The following NGLY1 variants were observed in gnomAD, a reference collection of about 807,000 sequenced individuals.
The protein encoded by NGLY1 is N-glycanase 1, also known as peptide-N(4)-(N-acetyl-beta-glucosaminyl)asparagine amidase.
A neutral mutation model predicts 84.6 loss-of-function variants in NGLY1; 68 were observed. The ratio of observed to expected loss-of-function variants is 0.80; its 90% CI spans 0.66 to 0.98. The LOEUF (loss-of-function observed/expected upper bound fraction) is 0.98. Among genes scored for constraint, NGLY1 ranks in the 50% least tolerant of loss-of-function variants. The probability of loss-of-function intolerance (pLI) is 0.00; values close to 1 mark genes in which losing one functional copy is unlikely to be tolerated. For missense variants in NGLY1, 779 were observed against 770.2 expected (o/e 1.01, Z -0.14); for synonymous variants, 280 against 275.2 (o/e 1.02, Z -0.17).
chr3:25,723,991 T>C lies in NGLY1; in HGVS notation c.1612-3800A>G, dbSNP rs189086167. On this transcript the variant is annotated intron_variant, in intron 10 of 11. Coordinates refer to ENST00000280700, the MANE Select transcript of NGLY1 (RefSeq NM_018297.4). Reference sequence around the variant, plus strand: ...ACCCTTTGCGTGAGAACAAGACCTGTGTGTCTACGGTTTAGGCATAAGCCA... The same window carrying C: ...ACCCTTTGCGTGAGAACAAGACCTGCGTGTCTACGGTTTAGGCATAAGCCA... Among the ~76,000 whole-genome samples the C allele has an allele frequency of 9.4e-4, 143 of 152,334 alleles. 1 individual carries two copies. Among genetic ancestry groups the C allele is most frequent in the Non-Finnish European group, 1.5e-5 (1 of 68,030 alleles).
At chr3:25,790,007 A>G (rs1708690741) in exon 1 of NGLY1, 1 of 1,043,834 alleles carries the variant, frequency 9.6e-7, no homozygotes, top group African/African-American at 1.6e-5. Flanking sequence ...ACCGGCGGAA[A>G]GAGAGTCGAA....
chr3:25,763,204 T>C (rs1046938620), intron 3 of NGLY1, among the ~76,000 whole-genome samples: 3 of 152,202 alleles, frequency 2.0e-5, no homozygotes, highest in Non-Finnish European at 4.4e-5. Flanking sequence ...GCCAGGACAC[T>C]AACAAAATAC....
At chr3:25,753,045 A>G (rs1052983836) in intron 3 of NGLY1, among the ~76,000 whole-genome samples, 2 of 152,056 alleles carry the variant, frequency 1.3e-5, no homozygotes, top group African/African-American at 4.8e-5. Context: ...CAACTGCTCA[A>G]AAAAAAACAG....
chr3:25,753,675 A>G (rs1287439568), intron 3 of NGLY1, among the ~76,000 whole-genome samples: 1 of 152,118 alleles, frequency 6.6e-6, no homozygotes, highest in East Asian at 1.9e-4. Context: ...GACTAAAAAG[A>G]TTATATTTAA....
intron 4 of NGLY1, among the ~76,000 whole-genome samples, chr3:25,742,789 T>C (rs1706217020): frequency 6.6e-6 from 1 of 151,008 alleles, no homozygotes; most frequent in African/African-American, 2.4e-5. Flanking sequence ...ACTCTTGTTC[T>C]TTCAGCTGGC....
intron 3 of NGLY1, 95 bp downstream of exon 3, chr3:25,763,971 C>A: frequency 6.9e-7 from 1 of 1,451,012 alleles, no homozygotes; most frequent in South Asian, 1.3e-5. Flanking sequence ...AAATATGGGG[C>A]ATAAATTCAG....
intron 1 of NGLY1, 36 bp from the exon 2 acceptor site, chr3:25,778,724 A>G (rs1192940891): frequency 7.6e-7 from 1 of 1,313,220 alleles, no homozygotes; most frequent in Non-Finnish European, 1.1e-6. Flanking sequence ...TATATAAAAA[A>G]AACCAGGTCA....
intron 3 of NGLY1, among the ~76,000 whole-genome samples, chr3:25,758,551 C>T (rs1364851674): frequency 6.6e-6 from 1 of 152,152 alleles, no homozygotes; most frequent in Non-Finnish European, 1.5e-5. Flanking sequence ...GCGTTCCAGC[C>T]TGAGCGACAA....
intron 4 of NGLY1, among the ~76,000 whole-genome samples, chr3:25,748,275 G>T (rs969498540): frequency 3.9e-5 from 6 of 152,052 alleles, no homozygotes; most frequent in Non-Finnish European, 8.8e-5. Context: ...CACCAATAGG[G>T]CTCCAGTATA....
intron 2 of NGLY1, among the ~76,000 whole-genome samples, chr3:25,776,463 T>A (rs960578403): frequency 1.3e-5 from 2 of 152,224 alleles, no homozygotes; most frequent in South Asian, 2.1e-4. Flanking sequence ...AAATTCTTTA[T>A]GTTCGGATAC....
At chr3:25,744,193 A>G (rs1706301601) in intron 4 of NGLY1, among the ~76,000 whole-genome samples, 1 of 152,356 alleles carries the variant, frequency 6.6e-6, no homozygotes, top group Admixed American at 6.5e-5. Context: ...CAGTAGAGGT[A>G]GCCTCATCCA....
chr3:25,740,814 T>C (rs1483275696), intron 4 of NGLY1, among the ~76,000 whole-genome samples: 2 of 152,152 alleles, frequency 1.3e-5, no homozygotes, highest in African/African-American at 4.8e-5. Context: ...ATTAAAATTA[T>C]AAAATATTTT....
rs371016687 is a variant in NGLY1, at chr3:25,764,279, A to G, written c.279T>C (p.Ala93=). 2 of 1,614,076 alleles carry G rather than the reference A, an allele frequency of 1.2e-6. No homozygotes were observed. Among genetic ancestry groups the G allele is most frequent in the Non-Finnish European group, 1.7e-6 (2 of 1,179,996 alleles). ...GETHLIFPKK[A]SVEQLQKIRD... Reference sequence around the variant, plus strand: ...GAATTTTTTGCAGCTGCTCCACTGAAGCTTTTTTAGGAAAGATGAGATGTG... The same window carrying G: ...GAATTTTTTGCAGCTGCTCCACTGAGGCTTTTTTAGGAAAGATGAGATGTG... Residue 93 remains alanine (A), a synonymous_variant, in exon 3 of 12, where the codon GCT becomes GCC. Transcript: ENST00000280700.
intron 2 of NGLY1, among the ~76,000 whole-genome samples, chr3:25,775,203 G>A (rs113060969): frequency 6.6e-6 from 1 of 152,176 alleles, no homozygotes; most frequent in African/African-American, 2.4e-5. Context: ...TGTTCCTCTA[G>A]TATTTCTCAG....
intron 2 of NGLY1, among the ~76,000 whole-genome samples, chr3:25,768,351 G>A (rs548745044): frequency 1.3e-4 from 19 of 151,092 alleles, no homozygotes; most frequent in Admixed American, 9.2e-4. Flanking sequence ...ACTTGAACCC[G>A]GCAGAGGCTG....
At chr3:25,779,913 T>C (rs1708331405) in intron 1 of NGLY1, among the ~76,000 whole-genome samples, 1 of 152,236 alleles carries the variant, frequency 6.6e-6, no homozygotes, top group Non-Finnish European at 1.5e-5. Flanking sequence ...GGTGCTAATC[T>C]ACAAATTATT....
At chr3:25,747,365 CTG>C (rs1171006957) in intron 4 of NGLY1, among the ~76,000 whole-genome samples, 2 of 152,098 alleles carry the variant, frequency 1.3e-5, no homozygotes, top group Non-Finnish European at 2.9e-5. Context: ...AGGAAAAAAA[CTG>C]TTAATACAAG....
upstream of NGLY1, among the ~76,000 whole-genome samples, chr3:25,784,503 C>A (rs1047224733): frequency 1.5e-4 from 23 of 152,318 alleles, no homozygotes; most frequent in Non-Finnish European, 1.2e-4. Context: ...CCAGTCTCTT[C>A]CCCACCATGT....
intron 2 of NGLY1, among the ~76,000 whole-genome samples, chr3:25,771,206 C>T (rs1482272426): frequency 6.6e-6 from 1 of 152,074 alleles, no homozygotes. Flanking sequence ...TCATACAGCT[C>T]CAGTTGATTT....
Sources: allele counts gnomAD v4.1 joint callset (sites outside exome capture counted in the v4.1 genomes callset), GRCh38; gene constraint gnomAD v4.1.1; transcripts MANE v1.5; gene names NCBI Gene and HGNC (gene_info 2026-07-23, HGNC 2026-07-21).